Variants in CUX1 observed in about 807,000 individuals in gnomAD.
CUX1 encodes the protein cut like homeobox 1.
Under a neutral mutation model 158.8 loss-of-function variants are expected in CUX1, and 31 were observed. The observed-to-expected ratio is 0.20, with a 90% CI of 0.15 to 0.26. The LOEUF (loss-of-function observed/expected upper bound fraction) is 0.26, where lower values mean the gene tolerates loss of function less well. Ranked by LOEUF, CUX1 falls within the 10% of genes least tolerant of loss-of-function variation. CUX1 has a pLI of 1.00. For synonymous variants in CUX1, 879 were observed against 862.1 expected, an observed-to-expected ratio of 1.02 and a Z score of -0.34; for missense variants, 1,589 against 2,014.6, an observed-to-expected ratio of 0.79 and a Z score of 4.04.
intron 11 of CUX1, among the ~76,000 whole-genome samples, chr7:102,184,104 C>T (rs1356307274): frequency 6.6e-6 from 1 of 152,150 alleles, no homozygotes; most frequent in Non-Finnish European, 1.5e-5. Context: ...TGCTATGTTG[C>T]CCAGGCTGGT....
intron 1 of CUX1, among the ~76,000 whole-genome samples, chr7:101,849,346 A>G (rs951471647): frequency 2.0e-5 from 3 of 151,660 alleles, no homozygotes; most frequent in Admixed American, 2.0e-4. Context: ...TCACTCTCCA[A>G]AAGGCCCCAG....
chr7:101,853,135 T>C (rs1796452844), intron 1 of CUX1, among the ~76,000 whole-genome samples: 1 of 152,178 alleles, frequency 6.6e-6, no homozygotes, highest in Non-Finnish European at 1.5e-5. Flanking sequence ...GTCAATTGCA[T>C]CCACCTGTAT....
intron 2 of CUX1, among the ~76,000 whole-genome samples, chr7:102,026,162 G>T (rs1009685347): frequency 3.9e-5 from 6 of 152,052 alleles, no homozygotes; most frequent in Non-Finnish European, 7.4e-5. Context: ...CTGGATGACA[G>T]AGCAAGACCC....
intron 4 of CUX1, among the ~76,000 whole-genome samples, chr7:102,092,454 A>G (rs2130857112): frequency 6.6e-6 from 1 of 151,076 alleles, no homozygotes; most frequent in Non-Finnish European, 1.5e-5. Flanking sequence ...CATTTCCCTC[A>G]CTCCCTGTGC....
intron 1 of CUX1, among the ~76,000 whole-genome samples, chr7:101,825,928 A>G (rs1793241067): frequency 6.6e-6 from 1 of 152,236 alleles, no homozygotes; most frequent in South Asian, 2.1e-4. Flanking sequence ...GTCGCAATCC[A>G]TTATAAATGC....
At chr7:102,102,796 G>A (rs1201626432) in intron 5 of CUX1, among the ~76,000 whole-genome samples, 1 of 152,210 alleles carries the variant, frequency 6.6e-6, no homozygotes, top group East Asian at 1.9e-4. Flanking sequence ...CTTGGGGGCT[G>A]GGGCCACAGT....
intron 8 of CUX1, among the ~76,000 whole-genome samples, chr7:102,122,271 A>T (rs1443464335): frequency 6.6e-6 from 1 of 152,144 alleles, no homozygotes; most frequent in African/African-American, 2.4e-5. Context: ...TAATTTCCCT[A>T]AAAATAGAGA....
intron 10 of CUX1, among the ~76,000 whole-genome samples, chr7:102,177,771 C>A (rs772238809): frequency 2.6e-5 from 4 of 152,170 alleles, no homozygotes; most frequent in African/African-American, 7.2e-5. Context: ...TGTTTTAAGT[C>A]TCCTTTGACA....
At chr7:102,143,736 T>C (rs1834718216) in intron 8 of CUX1, among the ~76,000 whole-genome samples, 1 of 152,250 alleles carries the variant, frequency 6.6e-6, no homozygotes, top group South Asian at 2.1e-4. Flanking sequence ...TAGCAGAGTC[T>C]GGCATCAGGT....
intron 3 of CUX1, among the ~76,000 whole-genome samples, chr7:102,040,622 A>G (rs938439468): frequency 2.6e-5 from 4 of 152,356 alleles, no homozygotes; most frequent in African/African-American, 4.8e-5. Flanking sequence ...CAGTCTATGA[A>G]TGAGTTAAAA....
intron 8 of CUX1, among the ~76,000 whole-genome samples, chr7:102,150,832 C>T (rs1585923455): frequency 6.6e-6 from 1 of 152,158 alleles, no homozygotes; most frequent in Admixed American, 6.5e-5. Flanking sequence ...TGAAATTATT[C>T]GCTATTTGAA....
chr7:102,033,971 C>T (rs765898469), intron 3 of CUX1, among the ~76,000 whole-genome samples: 2 of 151,628 alleles, frequency 1.3e-5, no homozygotes, highest in African/African-American at 4.8e-5. Context: ...CATGGTGCAA[C>T]CCCATCTCTA....
chr7:102,060,553 G>GTATATATATACACACACACATATACATA (rs1824685186), intron 3 of CUX1, among the ~76,000 whole-genome samples: 1 of 147,964 alleles, frequency 6.8e-6, no homozygotes, highest in Non-Finnish European at 1.5e-5. Context: ...CAAGGCTTCA[G>GTATATATATACACACACACATATACATA]TATATATATA....
At chr7:102,007,729 GTTTT>G (rs1325960054) in intron 2 of CUX1, among the ~76,000 whole-genome samples, 1 of 150,362 alleles carries the variant, frequency 6.7e-6, no homozygotes, top group Non-Finnish European at 1.5e-5. Context: ...CACCTCTGGT[GTTTT>G]TTTTGTTTTG....
chr7:102,163,748 C>A (rs1421095661), intron 9 of CUX1, among the ~76,000 whole-genome samples: 5 of 152,188 alleles, frequency 3.3e-5, no homozygotes, highest in African/African-American at 1.2e-4. Flanking sequence ...AGGGCGCAGA[C>A]ACAGTCCAAC....
At chr7:101,971,906 T>C (rs1011729543) in intron 2 of CUX1, among the ~76,000 whole-genome samples, 3 of 152,224 alleles carry the variant, frequency 2.0e-5, no homozygotes, top group Admixed American at 6.5e-5. Context: ...CCTCTTTCTA[T>C]AGGTAGAGGA....
chr7:102,254,267 C>T lies in CUX1; in HGVS notation c.*5225C>T, dbSNP rs1351631219. On this transcript the variant is annotated 3_prime_UTR_variant, in exon 24 of 24. Coordinates refer to ENST00000292535, the MANE Select transcript of CUX1 (RefSeq NM_181552.4). The stretch of plus-strand genomic sequence containing the variant: ...GTCCTGCTCAGCTGTTAAGATCCAT[C>T]ATGGCCATTATCCTTGTCCCGGACT... The T allele has an allele frequency of 2.0e-6, 2 of 985,370 alleles. No individual in the cohort carries two copies. The highest frequency in any genetic ancestry group is 2.3e-4 in the East Asian group (2 of 8,826). 61.0% of individuals were successfully genotyped at this position (985,370 alleles called of 1,614,324 possible). A position where few individuals can be genotyped will look rare whatever the true frequency, so the allele number is the denominator to read the frequency against.
intron 2 of CUX1, among the ~76,000 whole-genome samples, chr7:101,943,896 T>G (rs1018478861): frequency 1.3e-5 from 2 of 149,078 alleles, no homozygotes; most frequent in Admixed American, 1.3e-4. Context: ...GGTGGGAGGA[T>G]CGCCTTGAGC....
At chr7:102,281,827 T>G in intron 20 of CUX1, 2 of 1,601,082 alleles carry the variant, frequency 1.2e-6, no homozygotes, top group Non-Finnish European at 1.7e-6. Flanking sequence ...ACTCACCCCC[T>G]CCTTGCTCCC....
Sources: gnomAD v4.1 joint callset for allele counts (sites outside exome capture counted in the v4.1 genomes callset) on GRCh38, gnomAD v4.1.1 for gene constraint, MANE v1.5 for transcripts, NCBI Gene and HGNC (gene_info 2026-07-23, HGNC 2026-07-21) for gene names.